Variants in DPP10 observed in about 807,000 individuals in gnomAD.
DPP10 encodes the protein inactive dipeptidyl peptidase 10.
DPP10 carries 33 observed loss-of-function variants against 120.9 expected under a neutral mutation model. The ratio of observed to expected loss-of-function variants is 0.27; its 90% CI spans 0.21 to 0.37. The LOEUF (loss-of-function observed/expected upper bound fraction) is 0.37. DPP10 is among the 10% of genes least tolerant of loss of function. DPP10 has a pLI of 1.00. For synonymous variants in DPP10, 337 were observed against 326.1 expected, an observed-to-expected ratio of 1.03 and a Z score of -0.36; for missense variants, 816 against 942.8, an observed-to-expected ratio of 0.87 and a Z score of 1.76.
At chr2:114,525,019 G>C (rs1685378736) in intron 1 of DPP10, among the ~76,000 whole-genome samples, 1 of 152,138 alleles carries the variant, frequency 6.6e-6, no homozygotes, top group Non-Finnish European at 1.5e-5. Context: ...GCTGGGAAGT[G>C]GCAATGTACC....
intron 11 of DPP10, among the ~76,000 whole-genome samples, chr2:115,754,527 C>A (rs182714857): frequency 6.6e-6 from 1 of 152,108 alleles, no homozygotes; most frequent in Admixed American, 6.6e-5. Flanking sequence ...AGAAGTAGGG[C>A]TAGTCTAGAC....
At chr2:115,128,776 G>C (rs1431700223) in intron 1 of DPP10, among the ~76,000 whole-genome samples, 1 of 152,148 alleles carries the variant, frequency 6.6e-6, no homozygotes, top group Non-Finnish European at 1.5e-5. Flanking sequence ...GGTGATCCCA[G>C]TTCATAATAT....
At chr2:114,967,884 C>A (rs1420259194) in intron 1 of DPP10, among the ~76,000 whole-genome samples, 1 of 152,072 alleles carries the variant, frequency 6.6e-6, no homozygotes, top group African/African-American at 2.4e-5. Context: ...GCATCATGAG[C>A]ATCACTTGGG....
At chr2:114,569,430 G>T (rs1470836385) in intron 1 of DPP10, among the ~76,000 whole-genome samples, 3 of 150,764 alleles carry the variant, frequency 2.0e-5, no homozygotes, top group East Asian at 1.9e-4. Flanking sequence ...CATAAGAGAC[G>T]CTCTGAACAA....
chr2:115,603,652 A>G (rs1468070252), intron 5 of DPP10, among the ~76,000 whole-genome samples: 1 of 143,874 alleles, frequency 7.0e-6, no homozygotes, highest in Non-Finnish European at 1.5e-5. Context: ...CAGCCCTGCC[A>G]TGTACAACGC....
At chr2:115,645,485 T>C (rs1033351540) in intron 5 of DPP10, among the ~76,000 whole-genome samples, 7 of 152,152 alleles carry the variant, frequency 4.6e-5, no homozygotes, top group African/African-American at 1.7e-4. Flanking sequence ...AGAAACTATA[T>C]CAAATGACTT....
intron 1 of DPP10, among the ~76,000 whole-genome samples, chr2:114,888,372 T>C (rs879915854): frequency 6.6e-6 from 1 of 151,908 alleles, no homozygotes; most frequent in African/African-American, 2.4e-5. Flanking sequence ...CTATAGTAGA[T>C]AAAAGAAGAA....
chr2:114,594,566 C>CATATATGCATATATATCTCAT (rs1558915772), intron 1 of DPP10, among the ~76,000 whole-genome samples: 1 of 144,614 alleles, frequency 6.9e-6, no homozygotes, highest in African/African-American at 2.5e-5. Context: ...ATTATGTATA[C>CATATATGCATATATATCTCAT]ATATATACAT....
intron 1 of DPP10, among the ~76,000 whole-genome samples, chr2:114,616,347 G>A (rs866839948): frequency 6.6e-6 from 1 of 152,126 alleles, no homozygotes; most frequent in African/African-American, 2.4e-5. Context: ...CACCAGTTCT[G>A]AGTTGAGTCT....
intron 5 of DPP10, among the ~76,000 whole-genome samples, chr2:115,604,655 G>C (rs2083577809): frequency 6.6e-6 from 1 of 152,012 alleles, no homozygotes; most frequent in Admixed American, 6.6e-5. Context: ...CTAAATCTAA[G>C]CCTTTTTCAT....
At chr2:114,874,539 A>C (rs761591967) in intron 1 of DPP10, among the ~76,000 whole-genome samples, 4 of 151,956 alleles carry the variant, frequency 2.6e-5, no homozygotes, top group Admixed American at 6.6e-5. Context: ...AGATGGGACC[A>C]TCTAGTTGCA....
chr2:115,836,309 G>T (rs751512086), intron 22 of DPP10, 53 bp downstream of exon 22: 5 of 1,523,746 alleles, frequency 3.3e-6, no homozygotes, highest in Non-Finnish European at 4.5e-6. Flanking sequence ...TGTAGAAAAC[G>T]AAAGCCCAAT....
At chr2:115,360,479 A>C (rs1204006639) in intron 3 of DPP10, among the ~76,000 whole-genome samples, 5 of 152,174 alleles carry the variant, frequency 3.3e-5, no homozygotes, top group Non-Finnish European at 5.9e-5. Flanking sequence ...ACTGCGTTCC[A>C]TTAGATGGCA....
chr2:115,162,034 A>G (rs1282360178), intron 1 of DPP10: 1 of 1,411,946 alleles, frequency 7.1e-7, no homozygotes, highest in South Asian at 1.6e-5. Flanking sequence ...ACCAGGTGAG[A>G]GTCGGCAGCC....
At chr2:115,289,503 A>AAAAT (rs70941042) in intron 1 of DPP10, among the ~76,000 whole-genome samples, 1,285 of 96,236 alleles carry the variant, frequency 0.013, 14 homozygotes, top group African/African-American at 0.024. Context: ...AAAAAAAAAA[A>AAAAT]AGGAAGAAAA....
At chr2:115,210,439 G>A (rs539543084) in intron 1 of DPP10, among the ~76,000 whole-genome samples, 1 of 152,216 alleles carries the variant, frequency 6.6e-6, no homozygotes, top group Admixed American at 6.5e-5. Flanking sequence ...ATTTGGGTTG[G>A]TTCCAAGTCT....
intron 3 of DPP10, among the ~76,000 whole-genome samples, chr2:115,473,093 A>C (rs1396981290): frequency 6.6e-6 from 1 of 152,216 alleles, no homozygotes; most frequent in Non-Finnish European, 1.5e-5. Context: ...GTGTTCTGGA[A>C]CATTTCCTAA....
chr2:115,187,574 G>T (rs2054555321), intron 1 of DPP10, among the ~76,000 whole-genome samples: 1 of 152,174 alleles, frequency 6.6e-6, no homozygotes, highest in Non-Finnish European at 1.5e-5. Context: ...GAAAGTGATG[G>T]TCCAGGACAC....
chr2:114,769,273 T>A (rs1341247261), intron 1 of DPP10, among the ~76,000 whole-genome samples: 1 of 152,170 alleles, frequency 6.6e-6, no homozygotes, highest in Non-Finnish European at 1.5e-5. Context: ...TTGAATTCTC[T>A]GAGCTGGTGG....
Sources: gnomAD v4.1 joint callset for allele counts (sites outside exome capture counted in the v4.1 genomes callset) on GRCh38, gnomAD v4.1.1 for gene constraint, MANE v1.5 for transcripts, NCBI Gene and HGNC (gene_info 2026-07-23, HGNC 2026-07-21) for gene names.